The following PRKCB variants were observed in gnomAD, a reference collection of about 807,000 sequenced individuals.
PRKCB encodes the protein protein kinase C beta type.
PRKCB carries 13 observed loss-of-function variants against 81.5 expected under a neutral mutation model. The observed-to-expected ratio is 0.16, with a 90% confidence interval of 0.10 to 0.25. The LOEUF is 0.25. Ranked by LOEUF, PRKCB falls within the 10% of genes least tolerant of loss-of-function variation. The probability of loss-of-function intolerance (pLI) is 1.00; values close to 1 mark genes in which losing one functional copy is unlikely to be tolerated. For synonymous variants in PRKCB, 335 were observed against 321.4 expected (o/e 1.04, Z -0.45); for missense variants, 509 against 875.7 (o/e 0.58, Z 5.29).
At chr16:24,063,515 G>A (rs1273539019) in intron 5 of PRKCB, among the ~76,000 whole-genome samples, 2 of 151,914 alleles carry the variant, frequency 1.3e-5, no homozygotes, top group Non-Finnish European at 2.9e-5. Flanking sequence ...GGCTGGCCTC[G>A]AACTCCTGAC....
chr16:24,116,454 T>C (rs998870933), intron 8 of PRKCB, among the ~76,000 whole-genome samples: 2 of 152,112 alleles, frequency 1.3e-5, no homozygotes, highest in Non-Finnish European at 2.9e-5. Context: ...ATTCCCAAAT[T>C]CCTTGTCTTG....
intron 12 of PRKCB, 166 bp downstream of exon 12, chr16:24,174,746 C>A (rs1967502051): frequency 3.3e-6 from 2 of 607,798 alleles, no homozygotes; most frequent in South Asian, 2.4e-5. Flanking sequence ...ACTGCCCTGG[C>A]AAAGTTTGGG....
rs548918953 is a variant in PRKCB, at chr16:24,187,717, C to T, written c.1722+2150C>T. Among the ~76,000 whole-genome samples the T allele has an allele frequency of 7.9e-5, 12 of 152,154 alleles. No homozygotes were observed. In the East Asian group the frequency reaches 1.9e-3, roughly 24 times the overall value. On this transcript the variant is annotated intron_variant, in intron 15 of 16. Coordinates refer to ENST00000643927, the MANE Select transcript of PRKCB (RefSeq NM_002738.7). ...TTGTTTTATCAATGTCTCGCTCTGT[C>T]GCCCAGGCTAGAGTGCCGTGGAGTG... is the stretch of plus-strand genomic sequence containing the variant.
chr16:23,911,062 C>T (rs1474012811), intron 2 of PRKCB, among the ~76,000 whole-genome samples: 1 of 137,442 alleles, frequency 7.3e-6, no homozygotes, highest in Non-Finnish European at 1.5e-5. Context: ...ATTTATTCAT[C>T]AATTAGTGAG....
At chr16:23,888,861 G>C (rs1162071664) in intron 2 of PRKCB, among the ~76,000 whole-genome samples, 1 of 152,108 alleles carries the variant, frequency 6.6e-6, no homozygotes, top group Non-Finnish European at 1.5e-5. Flanking sequence ...TAGGTCCCTG[G>C]CCTTGTGCTT....
intron 5 of PRKCB, among the ~76,000 whole-genome samples, chr16:24,065,594 C>T (rs973411467): frequency 6.6e-6 from 1 of 151,810 alleles, no homozygotes; most frequent in African/African-American, 2.4e-5. Flanking sequence ...ATATATTTAC[C>T]CTTTCTGTTA....
At chr16:24,082,216 C>A (rs1966259020) in intron 5 of PRKCB, among the ~76,000 whole-genome samples, 1 of 152,046 alleles carries the variant, frequency 6.6e-6, no homozygotes, top group African/African-American at 2.4e-5. Flanking sequence ...TCAAAGAATA[C>A]CTAAATAAAT....
chr16:24,070,746 C>G (rs2141884435), intron 5 of PRKCB, among the ~76,000 whole-genome samples: 1 of 152,310 alleles, frequency 6.6e-6, no homozygotes, highest in South Asian at 2.1e-4. Context: ...GAAGTGGTAT[C>G]ACTTTGAACT....
At chr16:24,113,757 A>G (rs1157125981) in intron 8 of PRKCB, among the ~76,000 whole-genome samples, 1 of 152,072 alleles carries the variant, frequency 6.6e-6, no homozygotes. Context: ...TCTCCTAGAA[A>G]ACTCTGATTA....
At chr16:24,197,991 T>A (rs886320889) in intron 16 of PRKCB, among the ~76,000 whole-genome samples, 1 of 152,198 alleles carries the variant, frequency 6.6e-6, no homozygotes, top group African/African-American at 2.4e-5. Flanking sequence ...GACATGGTTG[T>A]GCTCTTGGTT....
intron 9 of PRKCB, among the ~76,000 whole-genome samples, chr16:24,140,257 A>C (rs1334769118): frequency 6.6e-6 from 1 of 152,238 alleles, no homozygotes; most frequent in Admixed American, 6.5e-5. Context: ...ATAAACTAGA[A>C]TGTGATAGGA....
intron 15 of PRKCB, among the ~76,000 whole-genome samples, chr16:24,190,281 G>A (rs1967769946): frequency 6.6e-6 from 1 of 152,062 alleles, no homozygotes; most frequent in Non-Finnish European, 1.5e-5. Flanking sequence ...CTTCTGTTTT[G>A]TCATTTTTGC....
chr16:23,933,531 A>G (rs142070024), intron 2 of PRKCB, among the ~76,000 whole-genome samples: 1 of 152,182 alleles, frequency 6.6e-6, no homozygotes, highest in Non-Finnish European at 1.5e-5. Context: ...GGGGAAGATA[A>G]TATTTTAAAT....
At chr16:24,192,061 A>T (rs1967801756) in intron 16 of PRKCB, among the ~76,000 whole-genome samples, 1 of 152,270 alleles carries the variant, frequency 6.6e-6, no homozygotes, top group South Asian at 2.1e-4. Context: ...TGAAGAGTGA[A>T]CATAAACACC....
chr16:23,842,773 A>G (rs1467739925), intron 2 of PRKCB, among the ~76,000 whole-genome samples: 1 of 152,206 alleles, frequency 6.6e-6, no homozygotes, highest in African/African-American at 2.4e-5. Context: ...GACTCCAACT[A>G]TTGTTGTTTT....
intron 7 of PRKCB, among the ~76,000 whole-genome samples, chr16:24,096,666 A>AAAAAAATAT (rs1406204037): frequency 3.1e-5 from 1 of 32,714 alleles, no homozygotes; most frequent in African/African-American, 9.7e-5. Flanking sequence ...AAAAAAAAAA[A>AAAAAAATAT]ATATATATAT....
At chr16:24,211,782 A>G (rs1036244177) in intron 16 of PRKCB, among the ~76,000 whole-genome samples, 2 of 151,856 alleles carry the variant, frequency 1.3e-5, no homozygotes, top group African/African-American at 4.8e-5. Flanking sequence ...CTGGTCTCGA[A>G]CTCTTGATCT....
chr16:24,050,711 T>C (rs888098239), intron 5 of PRKCB, among the ~76,000 whole-genome samples: 2 of 152,208 alleles, frequency 1.3e-5, no homozygotes, highest in African/African-American at 4.8e-5. Flanking sequence ...CAAATTGATT[T>C]CACTAACAAT....
intron 16 of PRKCB, among the ~76,000 whole-genome samples, chr16:24,211,892 C>A (rs1187537630): frequency 6.6e-6 from 1 of 152,140 alleles, no homozygotes; most frequent in Non-Finnish European, 1.5e-5. Flanking sequence ...AAGAAGTGAG[C>A]AGGAGGCAGA....
Sources: gnomAD v4.1 joint callset for allele counts (sites outside exome capture counted in the v4.1 genomes callset) on GRCh38, gnomAD v4.1.1 for gene constraint, MANE v1.5 for transcripts, NCBI Gene and HGNC (gene_info 2026-07-23, HGNC 2026-07-21) for gene names.